The following RARB variants were observed in gnomAD, a reference collection of about 807,000 sequenced individuals.
RARB encodes HBV-activated protein.
RARB carries 17 observed loss-of-function variants against 51.9 expected under a neutral mutation model. The ratio of observed to expected loss-of-function variants is 0.33; its 90% confidence interval spans 0.22 to 0.49. The LOEUF is 0.49. Ranked by LOEUF, RARB falls within the 20% of genes least tolerant of loss-of-function variation. The pLI, the probability that RARB is intolerant of heterozygous loss-of-function variation, is 0.99. For synonymous variants in RARB, 215 were observed against 195.4 expected, an observed-to-expected ratio of 1.10 and a Z score of -0.84; for missense variants, 369 against 550.8, an observed-to-expected ratio of 0.67 and a Z score of 3.30.
At chr3:24,944,582 G>C (rs750480463) in intron 2 of RARB, among the ~76,000 whole-genome samples, 2 of 152,188 alleles carry the variant, frequency 1.3e-5, no homozygotes, top group African/African-American at 2.4e-5. Flanking sequence ...GCCTGACCCT[G>C]TGCCTGTCAT....
chr3:24,844,781 C>G (rs1474759523), intron 1 of RARB, among the ~76,000 whole-genome samples: 1 of 152,176 alleles, frequency 6.6e-6, no homozygotes, highest in East Asian at 1.9e-4. Flanking sequence ...CCCCTGCGAT[C>G]TGGAACCTGC....
chr3:25,055,835 C>CA (rs571610026), intron 2 of RARB, among the ~76,000 whole-genome samples: 159 of 152,086 alleles, frequency 1.0e-3, no homozygotes, highest in African/African-American at 3.8e-3. Context: ...AGCAAGCCTC[C>CA]AAAAAGAGTC....
intron 1 of RARB, among the ~76,000 whole-genome samples, chr3:25,455,373 C>G (rs145583076): frequency 6.6e-6 from 1 of 152,128 alleles, no homozygotes; most frequent in Admixed American, 6.6e-5. Flanking sequence ...CTGAAAAGCA[C>G]GAATTTAAAG....
At chr3:25,521,272 A>G (rs1698390098) in intron 3 of RARB, among the ~76,000 whole-genome samples, 1 of 152,132 alleles carries the variant, frequency 6.6e-6, no homozygotes, top group South Asian at 2.1e-4. Flanking sequence ...TTAGCTTTCA[A>G]ACTTTGCGCA....
intron 2 of RARB, among the ~76,000 whole-genome samples, chr3:25,480,840 CT>C (rs756831181): frequency 1.6e-4 from 25 of 152,246 alleles, no homozygotes; most frequent in Admixed American, 9.8e-4. Flanking sequence ...TAATTCTTTG[CT>C]ACTGCATGCC....
At chr3:25,109,309 G>A (rs1699560950) in intron 3 of RARB, among the ~76,000 whole-genome samples, 1 of 152,126 alleles carries the variant, frequency 6.6e-6, no homozygotes. Flanking sequence ...CACCTGATGA[G>A]TGATGGGTTC....
intron 2 of RARB, among the ~76,000 whole-genome samples, chr3:24,980,250 C>T (rs74214721): frequency 5.7e-4 from 87 of 152,068 alleles, no homozygotes; most frequent in East Asian, 1.7e-3. Flanking sequence ...TATGTGTCTT[C>T]GGGTTGCTCT....
chr3:24,999,416 A>G lies in RARB; in HGVS notation c.-379-60709A>G, dbSNP rs570017485. Among the ~76,000 whole-genome samples, 19 of 152,284 alleles carry G rather than the reference A, an allele frequency of 1.2e-4. No homozygotes were observed. The South Asian group carries it at 3.9e-3, about 32-fold the overall frequency. On this transcript the variant is annotated intron_variant, in intron 2 of 11. Coordinates refer to the RARB transcript ENST00000383772. Reference sequence around the variant, plus strand: ...GAGGATGCCTCAAAAGACATTTGGGACAGCAATGAAGAAAACTCATTGCTT... The same window carrying G: ...GAGGATGCCTCAAAAGACATTTGGGGCAGCAATGAAGAAAACTCATTGCTT...
At chr3:25,414,529 A>T (rs934984702) in intron 5 of RARB, among the ~76,000 whole-genome samples, 1 of 152,222 alleles carries the variant, frequency 6.6e-6, no homozygotes, top group Non-Finnish European at 1.5e-5. Context: ...TTGCAACAGT[A>T]TATGAGAGTT....
chr3:25,116,496 G>A (rs755389679), intron 3 of RARB, among the ~76,000 whole-genome samples: 13 of 152,108 alleles, frequency 8.5e-5, no homozygotes, highest in South Asian at 2.1e-4. Context: ...GTCCATCCTC[G>A]GTCTACTTAA....
rs79674149 is a variant in RARB at position 25,191,682 on chromosome 3, T to A, written c.178+17107T>A. 3.8e-3 allele frequency among the ~76,000 whole-genome samples: 572 copies of A among 152,198 alleles called. 2 individuals carry two copies. Among genetic ancestry groups the A allele is most frequent in the African/African-American group, 0.013 (533 of 41,548 alleles). On this transcript the variant is annotated intron_variant, in intron 5 of 11. Coordinates refer to the RARB transcript ENST00000383772. ...GCATTGGGGGAAGACATTAACTCAG[T>A]CTCTTCCATCTATGCAAGGATTTGA... is the stretch of plus-strand genomic sequence containing the variant.
chr3:25,274,859 C>G (rs1703341602), intron 5 of RARB, among the ~76,000 whole-genome samples: 1 of 152,004 alleles, frequency 6.6e-6, no homozygotes, highest in Non-Finnish European at 1.5e-5. Context: ...GACATTTCTA[C>G]CCATGTTCCT....
At chr3:25,088,263 C>A (rs948597519) in intron 3 of RARB, among the ~76,000 whole-genome samples, 9 of 152,066 alleles carry the variant, frequency 5.9e-5, no homozygotes, top group African/African-American at 2.2e-4. Context: ...CGACTTGATA[C>A]ACCATGTCTA....
chr3:24,958,501 T>C (rs1018122072), intron 2 of RARB, among the ~76,000 whole-genome samples: 2 of 152,112 alleles, frequency 1.3e-5, no homozygotes, highest in African/African-American at 4.8e-5. Flanking sequence ...CCCTGATTTT[T>C]AGAAATGCCT....
rs551979493 is a variant in RARB at position 25,552,152 on chromosome 3, A to G, written c.449-17606A>G. On this transcript the variant is annotated intron_variant, in intron 3 of 7. Coordinates refer to ENST00000330688, the MANE Select transcript of RARB (RefSeq NM_000965.5). The stretch of plus-strand genomic sequence containing the variant: ...CTCTGTAGTCAAGGTACATGGTAGC[A>G]AAAACAGACTGTGTGATTAAAAATG... Among the ~76,000 whole-genome samples the G allele has an allele frequency of 3.3e-5, 5 of 152,260 alleles. No homozygotes were observed. In the South Asian group the frequency reaches 8.3e-4, roughly 25 times the overall value.
chr3:25,086,490 C>G (rs138448989), intron 3 of RARB, among the ~76,000 whole-genome samples: 114 of 152,260 alleles, frequency 7.5e-4, no homozygotes, highest in African/African-American at 2.7e-3. Context: ...GAATCAAACT[C>G]TGTAAAATAT....
chr3:25,123,318 T>G (rs1396965348), intron 3 of RARB, among the ~76,000 whole-genome samples: 1 of 152,186 alleles, frequency 6.6e-6, no homozygotes, highest in East Asian at 1.9e-4. Context: ...AGGGGTGGAA[T>G]AGTCATAGAA....
chr3:25,054,344 G>A (rs1698396068), intron 2 of RARB, among the ~76,000 whole-genome samples: 1 of 150,768 alleles, frequency 6.6e-6, no homozygotes, highest in Non-Finnish European at 1.5e-5. Context: ...ACTAGTTGGG[G>A]GAGCCATGTG....
At chr3:25,010,541 G>T (rs562245878) in intron 2 of RARB, among the ~76,000 whole-genome samples, 1 of 152,202 alleles carries the variant, frequency 6.6e-6, no homozygotes, top group Admixed American at 6.5e-5. Flanking sequence ...TGTTTTGGGA[G>T]CAACAGATTA....
Sources: allele counts gnomAD v4.1 joint callset (sites outside exome capture counted in the v4.1 genomes callset), GRCh38; gene constraint gnomAD v4.1.1; transcripts MANE v1.5; gene names NCBI Gene and HGNC (gene_info 2026-07-23, HGNC 2026-07-21).